Variants in RIPOR2 observed in about 807,000 individuals in gnomAD.
RIPOR2 encodes the protein rho family-interacting cell polarization regulator 2.
A neutral mutation model predicts 114.5 loss-of-function variants in RIPOR2; 39 were observed. That is an observed-to-expected ratio of 0.34 (90% CI 0.26 to 0.44). The LOEUF (loss-of-function observed/expected upper bound fraction) is 0.44, where lower values mean the gene tolerates loss of function less well. RIPOR2 is among the 20% of genes least tolerant of loss of function. RIPOR2 has a pLI of 1.00. For synonymous variants in RIPOR2, 445 were observed against 484.4 expected (o/e 0.92, Z 1.07); for missense variants, 1,007 against 1,255.1 (o/e 0.80, Z 2.99).
At chr6:24,942,578 T>C (rs1399807757) in intron 1 of RIPOR2, among the ~76,000 whole-genome samples, 1 of 152,164 alleles carries the variant, frequency 6.6e-6, no homozygotes, top group Non-Finnish European at 1.5e-5. Flanking sequence ...GCACCTGTTG[T>C]TTCCTGACTT....
At chr6:24,986,763 T>C (rs1477375164) in intron 1 of RIPOR2, among the ~76,000 whole-genome samples, 1 of 152,150 alleles carries the variant, frequency 6.6e-6, no homozygotes, top group African/African-American at 2.4e-5. Context: ...GGAGAGGAGT[T>C]GAGAAGATTA....
intron 1 of RIPOR2, chr6:25,023,880 T>C: frequency 1.4e-6 from 1 of 723,534 alleles, no homozygotes; most frequent in Non-Finnish European, 2.6e-6. Context: ...TGTAGAGACC[T>C]GGAGGCACTT....
chr6:24,874,606 T>C (rs1218038267), intron 2 of RIPOR2, among the ~76,000 whole-genome samples: 1 of 152,202 alleles, frequency 6.6e-6, no homozygotes, highest in African/African-American at 2.4e-5. Context: ...AGTGGAAATG[T>C]ATTGCTTTTC....
chr6:24,958,957 T>TC (rs1773172967), intron 1 of RIPOR2, among the ~76,000 whole-genome samples: 2 of 56,880 alleles, frequency 3.5e-5, no homozygotes, highest in South Asian at 1.5e-3. Flanking sequence ...CTCTACATTT[T>TC]CTTTTTTTTT....
chr6:24,941,008 A>T (rs1201316212), intron 1 of RIPOR2, among the ~76,000 whole-genome samples: 1 of 152,036 alleles, frequency 6.6e-6, no homozygotes, highest in East Asian at 1.9e-4. Flanking sequence ...GGAGGTACCA[A>T]TCTCATGGGT....
Position 24,835,708 on chromosome 6 carries a change from C to G in RIPOR2, c.2203G>C (p.Val735Leu). The change falls in exon 15 of 22, where the codon GTG becomes CTG. Residue 735 changes from valine (V) to leucine (L), a missense_variant. Coordinates refer to ENST00000643898, the MANE Select transcript of RIPOR2 (RefSeq NM_001286445.3). ...AAATTCATCGCTGATCCTACCTGCA[C>G]GAGTTGGGTGCAGTACTGGAGGTGC... Reference protein sequence around the residue: ...VRHLQYCTQLVQQIVFSSKTP... With the variant: ...VRHLQYCTQLLQQIVFSSKTP... 1 of 1,551,600 alleles carries G rather than the reference C, an allele frequency of 6.4e-7. No homozygotes were observed. Among genetic ancestry groups the G allele is most frequent in the Non-Finnish European group, 8.7e-7 (1 of 1,146,912 alleles).
intron 1 of RIPOR2, among the ~76,000 whole-genome samples, chr6:24,892,675 G>A (rs1767479879): frequency 6.6e-6 from 1 of 152,072 alleles, no homozygotes; most frequent in African/African-American, 2.4e-5. Flanking sequence ...AAATAAAGCA[G>A]GCAACAGATC....
chr6:24,810,323 A>G (rs1329943956), intron 20 of RIPOR2, among the ~76,000 whole-genome samples: 1 of 152,162 alleles, frequency 6.6e-6, no homozygotes, highest in Non-Finnish European at 1.5e-5. Context: ...CCTGGTCTAG[A>G]GGAGTGAAGT....
intron 6 of RIPOR2, among the ~76,000 whole-genome samples, chr6:24,868,013 T>C (rs1419232682): frequency 6.6e-6 from 1 of 152,228 alleles, no homozygotes; most frequent in Non-Finnish European, 1.5e-5. Flanking sequence ...AACAATAATA[T>C]GTCAAAGCTT....
chr6:24,949,085 T>C (rs1346061732), intron 1 of RIPOR2, among the ~76,000 whole-genome samples: 2 of 148,826 alleles, frequency 1.3e-5, no homozygotes, highest in African/African-American at 5.0e-5. Context: ...TCTTTTTTTT[T>C]CCTTTTCTTA....
chr6:25,024,347 C>G, intron 1 of RIPOR2: 1 of 1,437,680 alleles, frequency 7.0e-7, no homozygotes, highest in Admixed American at 1.7e-5. Context: ...TCCTGGCTTC[C>G]TCGAAGTCTT....
intron 1 of RIPOR2, chr6:24,910,975 T>C (rs1458572276): frequency 2.0e-6 from 2 of 984,816 alleles, no homozygotes; most frequent in Non-Finnish European, 2.4e-6. Context: ...CGGGAGGAAG[T>C]CGGGTGGACG....
intron 1 of RIPOR2, among the ~76,000 whole-genome samples, chr6:25,035,265 T>C (rs73384173): frequency 0.029 from 4,344 of 152,272 alleles, 115 homozygotes; most frequent in African/African-American, 0.065. Context: ...CTATGAATTA[T>C]ACAGAATGTT....
chr6:24,970,806 G>C (rs762536659), intron 1 of RIPOR2, among the ~76,000 whole-genome samples: 1 of 152,202 alleles, frequency 6.6e-6, no homozygotes. Flanking sequence ...TGTTGCCATT[G>C]TGTAGTGGTA....
intron 1 of RIPOR2, among the ~76,000 whole-genome samples, chr6:24,987,879 G>C (rs947571520): frequency 2.0e-5 from 3 of 152,094 alleles, no homozygotes; most frequent in African/African-American, 7.2e-5. Context: ...AAATAAACCA[G>C]GCCTATACTG....
intron 1 of RIPOR2, among the ~76,000 whole-genome samples, chr6:24,913,367 G>A (rs1490705373): frequency 6.6e-6 from 1 of 152,194 alleles, no homozygotes; most frequent in East Asian, 1.9e-4. Context: ...GGAGCAGAAC[G>A]TGTGGAGTAT....
At chr6:24,847,914 C>G in intron 12 of RIPOR2, 111 bp downstream of exon 12, 2 of 1,423,054 alleles carry the variant, frequency 1.4e-6, no homozygotes, top group Non-Finnish European at 1.9e-6. Flanking sequence ...AGGCTCACCA[C>G]CTCTGATAGA....
chr6:24,952,978 A>G (rs369955887), intron 1 of RIPOR2, among the ~76,000 whole-genome samples: 6 of 152,308 alleles, frequency 3.9e-5, no homozygotes, highest in African/African-American at 1.4e-4. Context: ...TGTCTCCCCG[A>G]ATTTCATATA....
chr6:25,006,788 G>T (rs1431603661), intron 1 of RIPOR2, among the ~76,000 whole-genome samples: 2 of 152,242 alleles, frequency 1.3e-5, no homozygotes, highest in Non-Finnish European at 2.9e-5. Context: ...GCCAAATATA[G>T]CACAGCTATA....
Sources: allele counts gnomAD v4.1 joint callset (sites outside exome capture counted in the v4.1 genomes callset), GRCh38; gene constraint gnomAD v4.1.1; transcripts MANE v1.5; gene names NCBI Gene and HGNC (gene_info 2026-07-23, HGNC 2026-07-21).